Variants in ASB4 observed in about 807,000 individuals in gnomAD.
ASB4 encodes ankyrin repeat and SOCS box containing 4, also known as ankyrin repeat and SOCS box protein 4.
ASB4 carries 35 observed loss-of-function variants against 38.6 expected under a neutral mutation model. That is an observed-to-expected ratio of 0.91 (90% CI 0.69 to 1.20). ASB4 has a LOEUF of 1.20. ASB4 is among the 50% of genes most tolerant of loss of function. The probability of loss-of-function intolerance (pLI) is 0.00; values close to 1 mark genes in which losing one functional copy is unlikely to be tolerated. For missense variants in ASB4, 557 were observed against 527.2 expected, an observed-to-expected ratio of 1.06 and a Z score of -0.55; for synonymous variants, 195 against 201.3, an observed-to-expected ratio of 0.97 and a Z score of 0.26.
chr7:95,505,050 A>T (rs531641353), intron 2 of ASB4, among the ~76,000 whole-genome samples: 5 of 152,230 alleles, frequency 3.3e-5, no homozygotes, highest in Non-Finnish European at 7.3e-5. Flanking sequence ...TAGAATCACG[A>T]ATGAAACAAC....
At chr7:95,523,637 T>C (rs952476524) in intron 2 of ASB4, among the ~76,000 whole-genome samples, 1 of 152,140 alleles carries the variant, frequency 6.6e-6, no homozygotes, top group African/African-American at 2.4e-5. Flanking sequence ...ACTCTTAACA[T>C]AGTTCAAATG....
chr7:95,515,161 C>CTCTCTT (rs765289269), intron 2 of ASB4, among the ~76,000 whole-genome samples: 17 of 125,854 alleles, frequency 1.4e-4, no homozygotes, highest in Non-Finnish European at 3.3e-5. Context: ...TTCTTTCTTT[C>CTCTCTT]TCTTTCTCTT....
chr7:95,551,011 GC>G, the ASB4 span, among the ~76,000 whole-genome samples: 1 of 152,020 alleles, frequency 6.6e-6, no homozygotes, highest in Admixed American at 6.5e-5. Flanking sequence ...TAAAAGTCTC[GC>G]TTTTGTCACG....
At chr7:95,516,647 G>A (rs1035881132) in intron 2 of ASB4, among the ~76,000 whole-genome samples, 96 of 152,146 alleles carry the variant, frequency 6.3e-4, no homozygotes, top group African/African-American at 2.1e-3. Context: ...TAAAAAATAC[G>A]AGTAGCTGTT....
the ASB4 span, among the ~76,000 whole-genome samples, chr7:95,548,131 A>G: frequency 6.6e-5 from 10 of 152,348 alleles, no homozygotes; most frequent in East Asian, 1.7e-3. Flanking sequence ...TAATTTTACA[A>G]GAAAGTACCA....
chr7:95,513,381 A>T (rs1398736429), intron 2 of ASB4, among the ~76,000 whole-genome samples: 2 of 142,368 alleles, frequency 1.4e-5, no homozygotes. Context: ...GGCTCATGCA[A>T]TGTGGAGGTG....
At chr7:95,493,448 C>T (rs1790202970) in intron 1 of ASB4, among the ~76,000 whole-genome samples, 1 of 151,560 alleles carries the variant, frequency 6.6e-6, no homozygotes, top group Non-Finnish European at 1.5e-5. Context: ...GACAGACAAA[C>T]TTTGGGTTGA....
chr7:95,527,711 A>C, intron 2 of ASB4, 102 bp from the exon 3 acceptor site: 1 of 1,148,254 alleles, frequency 8.7e-7, no homozygotes, highest in Non-Finnish European at 1.2e-6. Flanking sequence ...TACGGCAGTC[A>C]GAAGTTAAAA....
chr7:95,541,160 C>G (rs558198034), downstream of ASB4, among the ~76,000 whole-genome samples: 2 of 152,274 alleles, frequency 1.3e-5, no homozygotes, highest in South Asian at 4.2e-4. Flanking sequence ...TCTGGGTCCC[C>G]TCTTTATCTG....
chr7:95,536,988 G>A (rs567332894), intron 4 of ASB4, among the ~76,000 whole-genome samples: 1 of 152,254 alleles, frequency 6.6e-6, no homozygotes, highest in South Asian at 2.1e-4. Context: ...AAAACCATTG[G>A]CAGAGTCAAG....
At chr7:95,517,860 A>G (rs79690239) in intron 2 of ASB4, among the ~76,000 whole-genome samples, 290 of 152,262 alleles carry the variant, frequency 1.9e-3, no homozygotes, top group Non-Finnish European at 3.2e-3. Flanking sequence ...AAGAAATTGG[A>G]GGTTAGCTAA....
intron 3 of ASB4, among the ~76,000 whole-genome samples, chr7:95,532,449 C>A (rs1230854746): frequency 1.3e-5 from 2 of 151,876 alleles, no homozygotes; most frequent in Non-Finnish European, 2.9e-5. Context: ...CCCCAGGGAG[C>A]CAAGATTGGG....
upstream of ASB4, among the ~76,000 whole-genome samples, chr7:95,483,635 G>A (rs569728899): frequency 2.0e-5 from 3 of 152,278 alleles, no homozygotes; most frequent in African/African-American, 7.2e-5. Context: ...GCAGCTTTGT[G>A]ACAAATTCTA....
rs577878010 is a variant in ASB4, at chr7:95,488,268, G to T, written c.187+2110G>T. Reference sequence around the variant, plus strand: ...AGACAGGAGAATGGTGTGAACCCGGGAGGCGGAGCTTGCAGTGAGCCCAGA... The same window carrying T: ...AGACAGGAGAATGGTGTGAACCCGGTAGGCGGAGCTTGCAGTGAGCCCAGA... On this transcript the variant is annotated intron_variant, in intron 1 of 4. Coordinates refer to ENST00000325885, the MANE Select transcript of ASB4 (RefSeq NM_016116.3). Among the ~76,000 whole-genome samples the T allele has an allele frequency of 4.6e-5, 7 of 152,224 alleles. No individual in the cohort carries two copies. The South Asian group carries it at 1.4e-3, about 31-fold the overall frequency.
intron 3 of ASB4, among the ~76,000 whole-genome samples, chr7:95,533,228 G>A (rs925386408): frequency 1.3e-5 from 2 of 152,164 alleles, no homozygotes; most frequent in African/African-American, 2.4e-5. Context: ...TAGAATGTTA[G>A]AAGCTGTGTA....
intron 2 of ASB4, among the ~76,000 whole-genome samples, chr7:95,502,389 TGCG>T (rs1167132928): frequency 0.01 from 866 of 83,486 alleles, 10 homozygotes; most frequent in African/African-American, 0.033. Flanking sequence ...GGTACCAGCC[TGCG>T]GGGGGGGGGC....
At chr7:95,499,340 A>G (rs1790297609) in intron 2 of ASB4, among the ~76,000 whole-genome samples, 1 of 152,228 alleles carries the variant, frequency 6.6e-6, no homozygotes, top group South Asian at 2.1e-4. Flanking sequence ...TCAATGTTAG[A>G]AGGATGAGGA....
intron 2 of ASB4, among the ~76,000 whole-genome samples, chr7:95,521,483 T>C (rs1790661014): frequency 6.6e-6 from 1 of 152,116 alleles, no homozygotes; most frequent in Admixed American, 6.6e-5. Flanking sequence ...TACATTGATA[T>C]ATACACTGAT....
chr7:95,520,122 T>C (rs2116632559), intron 2 of ASB4, among the ~76,000 whole-genome samples: 1 of 152,344 alleles, frequency 6.6e-6, no homozygotes, highest in East Asian at 1.9e-4. Context: ...TTATATTCAA[T>C]GATATGCTAT....
Sources: allele counts gnomAD v4.1 joint callset (sites outside exome capture counted in the v4.1 genomes callset), GRCh38; gene constraint gnomAD v4.1.1; transcripts MANE v1.5; gene names NCBI Gene and HGNC (gene_info 2026-07-23, HGNC 2026-07-21).